SLC5A1: variants seen among roughly 807,000 people sequenced by gnomAD.
SLC5A1 encodes solute carrier family 5 member 1.
Under a neutral mutation model 73.5 loss-of-function variants are expected in SLC5A1, and 42 were observed. The ratio of observed to expected loss-of-function variants is 0.57; its 90% CI spans 0.45 to 0.74. The LOEUF (loss-of-function observed/expected upper bound fraction) is 0.74, where lower values mean the gene tolerates loss of function less well. Ranked by LOEUF, SLC5A1 falls within the 30% of genes least tolerant of loss-of-function variation. The pLI is 0.00. For missense variants in SLC5A1, 634 were observed against 855.4 expected, an observed-to-expected ratio of 0.74 and a Z score of 3.23; for synonymous variants, 300 against 317.4, an observed-to-expected ratio of 0.95 and a Z score of 0.58.
At position 32,084,225 on chromosome 22, in the gene SLC5A1, T is replaced by C. The variant is rs144531795; in HGVS notation, c.665-214T>C. On this transcript the variant is annotated intron_variant, in intron 7 of 14. Coordinates refer to ENST00000266088, the MANE Select transcript of SLC5A1 (RefSeq NM_000343.4). ...TTACAAGTGATTGCTTTGGTCCCCA[T>C]AATAGCCCCCAAGGGGGCTGGGCAG... 8.5e-5 allele frequency among the ~76,000 whole-genome samples: 13 copies of C among 152,370 alleles called. 1 individual carries two copies. In the East Asian group the frequency reaches 2.5e-3, roughly 29 times the overall value.
rs202142820 is a variant in SLC5A1, at chr22:32,085,039, A to G, written c.1021+4A>G. The stretch of plus-strand genomic sequence containing the variant: ...ATCAGCCGCATTCTGTACACAGGTA[A>G]TAACTTCTGCTGGACCCACAAACCA... On this transcript the variant is annotated splice_donor_region_variant and intron_variant, in intron 9 of 14. Transcript: ENST00000266088. The G allele has an allele frequency of 5.6e-6, 9 of 1,614,104 alleles. No homozygotes were observed. The highest frequency in any genetic ancestry group is 3.3e-5 in the South Asian group (3 of 91,074).
chr22:32,100,386 A>C (rs574092555), intron 12 of SLC5A1, among the ~76,000 whole-genome samples: 8 of 152,164 alleles, frequency 5.3e-5, no homozygotes, highest in Non-Finnish European at 1.2e-4. Context: ...AAAAGTGGTG[A>C]AAGGGTATCC....
At chr22:32,062,373 A>G (rs1401967988) in intron 2 of SLC5A1, among the ~76,000 whole-genome samples, 2 of 152,202 alleles carry the variant, frequency 1.3e-5, no homozygotes, top group African/African-American at 4.8e-5. Flanking sequence ...AATTCCCTAA[A>G]ATCAAAAGAA....
intron 5 of SLC5A1, among the ~76,000 whole-genome samples, chr22:32,077,267 CCTTT>C (rs1443292836): frequency 1.2e-4 from 18 of 149,230 alleles, no homozygotes; most frequent in Non-Finnish European, 2.1e-4. Flanking sequence ...CTCCTTCTCT[CCTTT>C]CTTTCTCTCT....
In SLC5A1 at chr22:32,083,244, G is replaced by A; in HGVS notation, c.664+90G>A. ...GCAAGTCCAGCCTCTCTACCTGCTT[G>A]CCAGACTAGGCAGTGAGCTGAGGCA... On this transcript the variant is annotated intron_variant, in intron 7 of 14. Coordinates refer to ENST00000266088, the MANE Select transcript of SLC5A1 (RefSeq NM_000343.4). 9.5e-6 allele frequency: 10 copies of A among 1,054,634 alleles called. No homozygotes were observed. The South Asian group carries it at 1.4e-4, about 14-fold the overall frequency. 65.3% of individuals were successfully genotyped at this position (1,054,634 alleles called of 1,614,324 possible). A position where few individuals can be genotyped will look rare whatever the true frequency, so the allele number is the denominator to read the frequency against.
chr22:32,105,691 T>G (rs571628891), intron 14 of SLC5A1, among the ~76,000 whole-genome samples: 1 of 152,298 alleles, frequency 6.6e-6, no homozygotes, highest in East Asian at 1.9e-4. Flanking sequence ...TTTCTATTTT[T>G]TTGTTGTACC....
intron 1 of SLC5A1, among the ~76,000 whole-genome samples, chr22:32,045,678 A>G (rs1483264336): frequency 2.0e-5 from 3 of 152,142 alleles, no homozygotes; most frequent in East Asian, 3.9e-4. Context: ...GCCTCCTCCA[A>G]TCATATTTTA....
intron 2 of SLC5A1, chr22:32,059,451 G>A: frequency 1.5e-6 from 1 of 654,538 alleles, no homozygotes; most frequent in Non-Finnish European, 1.9e-6. Context: ...AGAGCTTGAT[G>A]AAGAGGGCAT....
At chr22:32,057,350 T>C (rs903129425) in intron 2 of SLC5A1, among the ~76,000 whole-genome samples, 2 of 152,226 alleles carry the variant, frequency 1.3e-5, no homozygotes, top group Non-Finnish European at 2.9e-5. Context: ...CATCAAAGCC[T>C]AGACCTCCTG....
intron 1 of SLC5A1, 52 bp from the exon 2 acceptor site, chr22:32,049,891 G>T (rs933655596): frequency 1.0e-5 from 15 of 1,483,252 alleles, no homozygotes; most frequent in African/African-American, 2.8e-5. Context: ...CTTTTGGCTG[G>T]CAAGGCCACT....
intron 5 of SLC5A1, among the ~76,000 whole-genome samples, chr22:32,071,964 C>G (rs2093983541): frequency 6.6e-6 from 1 of 152,132 alleles, no homozygotes; most frequent in African/African-American, 2.4e-5. Flanking sequence ...ACTCACGGAC[C>G]TAACACTGAT....
Position 32,086,342 on chromosome 22 carries a change from T to A in SLC5A1, c.1129+15T>A. 6.4e-7 allele frequency: 1 copy of A among 1,558,110 alleles called. No homozygotes were observed. The highest frequency in any genetic ancestry group is 8.9e-7 in the Non-Finnish European group (1 of 1,129,172). ...CATGCCCAATGGTGAGATTCTTTCT[T>A]GGGAGGTTGGTAGAGTCTTTCTTGG... On this transcript the variant is annotated intron_variant, in intron 10 of 14. Coordinates refer to ENST00000266088, the MANE Select transcript of SLC5A1 (RefSeq NM_000343.4).
intron 11 of SLC5A1, among the ~76,000 whole-genome samples, chr22:32,092,739 T>C (rs2149494555): frequency 6.6e-6 from 1 of 152,374 alleles, no homozygotes; most frequent in African/African-American, 2.4e-5. Flanking sequence ...GTGAAGATTT[T>C]CTGCCACTGT....
At chr22:32,101,349 A>G (rs1037881624) in intron 12 of SLC5A1, among the ~76,000 whole-genome samples, 1 of 152,114 alleles carries the variant, frequency 6.6e-6, no homozygotes, top group Admixed American at 6.5e-5. Flanking sequence ...AGTAAAAAAA[A>G]CCCTGAAAAA....
intron 1 of SLC5A1, 25 bp from the exon 2 acceptor site, chr22:32,049,918 A>T: frequency 6.2e-7 from 1 of 1,606,706 alleles, no homozygotes. Flanking sequence ...GTTTTCGATT[A>T]CATTTTTGAC....
chr22:32,064,720 C>T (rs75321866), intron 2 of SLC5A1, among the ~76,000 whole-genome samples: 6,817 of 152,202 alleles, frequency 0.045, 205 homozygotes, highest in Non-Finnish European at 0.07. Flanking sequence ...AAAACATACT[C>T]CCTAATCTCT....
At chr22:32,073,631 A>G (rs752034175) in intron 5 of SLC5A1, among the ~76,000 whole-genome samples, 1 of 151,802 alleles carries the variant, frequency 6.6e-6, no homozygotes, top group Non-Finnish European at 1.5e-5. Context: ...ATCTTGGCTC[A>G]CTGCAACCTC....
intron 1 of SLC5A1, 53 bp from the exon 2 acceptor site, chr22:32,049,890 G>C (rs921047459): frequency 2.7e-6 from 4 of 1,474,796 alleles, no homozygotes; most frequent in Admixed American, 3.3e-5. Context: ...CCTTTTGGCT[G>C]GCAAGGCCAC....
At chr22:32,109,470 C>T (rs148939800) in intron 14 of SLC5A1, among the ~76,000 whole-genome samples, 100 of 152,252 alleles carry the variant, frequency 6.6e-4, no homozygotes, top group African/African-American at 2.3e-3. Flanking sequence ...ATTGCTGCGC[C>T]GCAACAGGAG....
Sources: allele counts gnomAD v4.1 joint callset (sites outside exome capture counted in the v4.1 genomes callset), GRCh38; gene constraint gnomAD v4.1.1; transcripts MANE v1.5; gene names NCBI Gene and HGNC (gene_info 2026-07-23, HGNC 2026-07-21).